Variants in ZC4H2 observed in about 807,000 individuals in gnomAD.
ZC4H2 encodes zinc finger C4H2 domain-containing protein.
For missense variants in ZC4H2, 137 were observed against 173.9 expected (o/e 0.79, Z 1.19); for synonymous variants, 84 against 66.3 (o/e 1.27, Z -1.30).
At chrX:65,002,434 G>A (rs1482482497) in intron 1 of ZC4H2, among the ~76,000 whole-genome samples, 4 of 108,313 alleles carry the variant, frequency 3.7e-5, no homozygotes, top group East Asian at 3.0e-4. Context: ...CGCCCCATCC[G>A]GGAGGTGGGG....
chrX:65,033,597 G>T (rs1932964992), intron 1 of ZC4H2, among the ~76,000 whole-genome samples: 1 of 111,638 alleles, frequency 9.0e-6, no homozygotes, highest in Non-Finnish European at 1.9e-5. Flanking sequence ...TAGGGAATCT[G>T]TATTTTCTCC....
At chrX:65,002,344 G>A (rs964584967) in intron 1 of ZC4H2, among the ~76,000 whole-genome samples, 1 of 107,587 alleles carries the variant, frequency 9.3e-6, no homozygotes, top group Admixed American at 9.7e-5. Flanking sequence ...CCGTCCGGGA[G>A]GGAGGCAGGG....
At chrX:64,985,594 G>A (rs187742279) in intron 1 of ZC4H2, among the ~76,000 whole-genome samples, 147 of 111,357 alleles carry the variant, frequency 1.3e-3, no homozygotes, top group African/African-American at 4.5e-3. Context: ...AGATGGGCCC[G>A]TAAATAAGCA....
chrX:64,930,059 T>C (rs1929672332), intron 1 of ZC4H2, among the ~76,000 whole-genome samples: 1 of 111,591 alleles, frequency 9.0e-6, no homozygotes, highest in Non-Finnish European at 1.9e-5. Flanking sequence ...GAGTGTTTTG[T>C]AGTTTTCCTT....
chrX:64,962,647 C>A (rs1222784012), intron 1 of ZC4H2, among the ~76,000 whole-genome samples: 1 of 110,988 alleles, frequency 9.0e-6, no homozygotes, highest in Non-Finnish European at 1.9e-5. Flanking sequence ...GTACAAAACC[C>A]AAAAAATTCC....
At chrX:64,945,916 G>A (rs1017896511) in intron 1 of ZC4H2, among the ~76,000 whole-genome samples, 3 of 110,909 alleles carry the variant, frequency 2.7e-5, no homozygotes, top group African/African-American at 9.8e-5. Context: ...CAGTAATGGT[G>A]GAAGCCCCTC....
upstream of ZC4H2, among the ~76,000 whole-genome samples, chrX:64,979,151 ACC>A (rs1932036548): frequency 8.9e-6 from 1 of 111,842 alleles, no homozygotes; most frequent in African/African-American, 3.3e-5. Context: ...GTCTGACATC[ACC>A]CTACTTGGCT....
intron 1 of ZC4H2, among the ~76,000 whole-genome samples, chrX:65,026,435 G>A (rs1932879410): frequency 8.9e-6 from 1 of 111,733 alleles, no homozygotes; most frequent in South Asian, 3.7e-4. Flanking sequence ...TAGCGGCCGG[G>A]TGCGGTGGCT....
intron 1 of ZC4H2, among the ~76,000 whole-genome samples, chrX:64,990,392 TAA>T (rs1453123761): frequency 9.0e-6 from 1 of 111,209 alleles, no homozygotes; most frequent in Non-Finnish European, 1.9e-5. Flanking sequence ...GGTGTGGCTA[TAA>T]AAGGGCAATA....
intron 1 of ZC4H2, among the ~76,000 whole-genome samples, chrX:65,024,697 T>A (rs1255274528): frequency 8.9e-6 from 1 of 112,219 alleles, no homozygotes; most frequent in Non-Finnish European, 1.9e-5. Flanking sequence ...ATATACACCA[T>A]GGAATACTAC....
intron 1 of ZC4H2, among the ~76,000 whole-genome samples, chrX:65,016,443 G>A (rs2147288935): frequency 8.9e-6 from 1 of 112,257 alleles, no homozygotes; most frequent in Non-Finnish European, 1.9e-5. Context: ...TGATCATGTT[G>A]TAATAATATA....
At chrX:64,960,114 T>G (rs1178858586) in intron 1 of ZC4H2, among the ~76,000 whole-genome samples, 1 of 110,727 alleles carries the variant, frequency 9.0e-6, no homozygotes, top group East Asian at 2.9e-4. Flanking sequence ...AGCCCTAAGA[T>G]GGCTATATCT....
chrX:64,954,313 T>A (rs1366041783), intron 1 of ZC4H2, among the ~76,000 whole-genome samples: 15 of 68,846 alleles, frequency 2.2e-4, no homozygotes, highest in Non-Finnish European at 2.9e-4. Context: ...AAACTTAAAG[T>A]ATAATTATAT....
intron 1 of ZC4H2, among the ~76,000 whole-genome samples, chrX:64,927,448 A>C (rs1460115599): frequency 8.9e-6 from 1 of 111,734 alleles, no homozygotes. Flanking sequence ...ATGTCCCTGC[A>C]AAGGACATAA....
At chrX:65,015,897 C>G (rs768699228) in intron 1 of ZC4H2, among the ~76,000 whole-genome samples, 1 of 110,797 alleles carries the variant, frequency 9.0e-6, no homozygotes, top group South Asian at 3.9e-4. Flanking sequence ...AGATTGCTCC[C>G]ATAGTTTCAA....
intron 1 of ZC4H2, among the ~76,000 whole-genome samples, chrX:65,007,280 C>T (rs1029037888): frequency 8.9e-6 from 1 of 112,233 alleles, no homozygotes; most frequent in Non-Finnish European, 1.9e-5. Flanking sequence ...GAAAAGTGGA[C>T]ATTTGAATCT....
At chrX:64,980,737 G>T (rs1304638223), upstream of ZC4H2, among the ~76,000 whole-genome samples, 1 of 111,169 alleles carries the variant, frequency 9.0e-6, no homozygotes, top group Non-Finnish European at 1.9e-5. Flanking sequence ...GCAGAACTGA[G>T]ATTCAAATTT....
intron 1 of ZC4H2, among the ~76,000 whole-genome samples, chrX:64,955,150 A>G (rs908772850): frequency 2.7e-5 from 3 of 111,943 alleles, no homozygotes; most frequent in Non-Finnish European, 5.6e-5. Flanking sequence ...TAGTTTATGA[A>G]CAATATTTGG....
intron 3 of ZC4H2, 95 bp from the exon 4 acceptor site, chrX:64,919,299 T>C (rs1435383495): frequency 9.8e-7 from 1 of 1,025,631 alleles, no homozygotes; most frequent in Non-Finnish European, 1.3e-6. Context: ...AGGGTTGAGC[T>C]GTGGCTCATT....
Sources: gnomAD v4.1 joint callset for allele counts (sites outside exome capture counted in the v4.1 genomes callset) on GRCh38, gnomAD v4.1.1 for gene constraint, MANE v1.5 for transcripts, NCBI Gene and HGNC (gene_info 2026-07-23, HGNC 2026-07-21) for gene names.